The following MSI2 variants were observed in gnomAD, a reference collection of about 807,000 sequenced individuals.
The protein encoded by MSI2 is musashi RNA binding protein 2, also known as RNA-binding protein Musashi homolog 2.
Under a neutral mutation model 45.6 loss-of-function variants are expected in MSI2, and 17 were observed. That is an observed-to-expected ratio of 0.37 (90% CI 0.26 to 0.56). The LOEUF is 0.56. Among genes scored for constraint, MSI2 ranks in the 20% least tolerant of loss-of-function variants. The pLI, the probability that MSI2 is intolerant of heterozygous loss-of-function variation, is 0.77. For missense variants in MSI2, 293 were observed against 444.2 expected (o/e 0.66, Z 3.06); for synonymous variants, 156 against 158.2 (o/e 0.99, Z 0.11).
rs534408595 is a variant in MSI2 at position 57,622,264 on chromosome 17, A to G, written c.653-4965A>G. Among the ~76,000 whole-genome samples, 5 of 105,912 alleles carry G rather than the reference A, an allele frequency of 4.7e-5. No homozygotes were observed. The South Asian group carries it at 1.7e-3, about 35-fold the overall frequency. The allele number at this position is 105,912 out of a possible 152,430, so 69.5% of individuals were successfully genotyped here. On this transcript the variant is annotated intron_variant, in intron 9 of 13. Transcript: ENST00000284073. ...CCTCAGACTTTGCGGCACCGCACCA[A>G]GAGGTGCCCACAGTTATCCAGCTCA...
chr17:57,695,891 G>A, the MSI2 span, among the ~76,000 whole-genome samples: 5 of 152,162 alleles, frequency 3.3e-5, no homozygotes, highest in Non-Finnish European at 5.9e-5. Flanking sequence ...TTCCTCACAC[G>A]GCCTCTCCTC....
chr17:57,582,000 C>A (rs751749355), intron 7 of MSI2, among the ~76,000 whole-genome samples: 1 of 152,196 alleles, frequency 6.6e-6, no homozygotes, highest in African/African-American at 2.4e-5. Context: ...GAGTGAACCT[C>A]CCCAATGCCT....
chr17:57,417,027 G>C (rs2084307728), intron 6 of MSI2, among the ~76,000 whole-genome samples: 2 of 152,168 alleles, frequency 1.3e-5, no homozygotes, highest in Non-Finnish European at 2.9e-5. Flanking sequence ...GTGTGGTATA[G>C]CAAATGGAGA....
intron 6 of MSI2, among the ~76,000 whole-genome samples, chr17:57,478,701 G>A (rs986175071): frequency 1.3e-5 from 2 of 152,162 alleles, no homozygotes; most frequent in Non-Finnish European, 2.9e-5. Context: ...AGAGTCGGAA[G>A]GAATTCAGGG....
At chr17:57,436,146 C>A (rs539780482) in intron 6 of MSI2, among the ~76,000 whole-genome samples, 126 of 152,240 alleles carry the variant, frequency 8.3e-4, no homozygotes, top group Non-Finnish European at 1.4e-3. Flanking sequence ...GTAGTGGTTC[C>A]GAGCTTTGGA....
chr17:57,581,983 G>A (rs1206597053), intron 7 of MSI2, among the ~76,000 whole-genome samples: 1 of 152,188 alleles, frequency 6.6e-6, no homozygotes, highest in African/African-American at 2.4e-5. Flanking sequence ...AAGCATCTCA[G>A]TTTGAAGAGT....
intron 6 of MSI2, among the ~76,000 whole-genome samples, chr17:57,525,738 A>G (rs974110442): frequency 1.3e-5 from 2 of 152,214 alleles, no homozygotes; most frequent in South Asian, 4.1e-4. Context: ...CATGGGACAA[A>G]TCATGCTGAG....
At chr17:57,471,340 G>T (rs1285176655) in intron 6 of MSI2, among the ~76,000 whole-genome samples, 2 of 138,774 alleles carry the variant, frequency 1.4e-5, no homozygotes, top group Admixed American at 1.5e-4. Flanking sequence ...GCCCAGGCTG[G>T]AGTGCAGTGG....
At chr17:57,634,009 C>T (rs2074816249) in intron 10 of MSI2, among the ~76,000 whole-genome samples, 1 of 152,182 alleles carries the variant, frequency 6.6e-6, no homozygotes, top group South Asian at 2.1e-4. Context: ...CCCTCCTTCC[C>T]TCTCTTCCCT....
chr17:57,280,564 A>G lies in MSI2; in HGVS notation c.312+18372A>G, dbSNP rs541188906. 2.6e-5 allele frequency among the ~76,000 whole-genome samples: 4 copies of G among 151,884 alleles called. No homozygotes were observed. Among genetic ancestry groups the G allele is most frequent in the African/African-American group, 4.8e-5 (2 of 41,374 alleles). On this transcript the variant is annotated intron_variant, in intron 5 of 13. Transcript: ENST00000284073. The surrounding 1 kb of genome is among the most constrained non-coding windows in gnomAD (Gnocchi z 4.2). Reference sequence around the variant, plus strand: ...CTCATTGATGTGAGCAGAGCCCCCAACCCCCACCTCCGTGAGATTGAGAGT... The same window carrying G: ...CTCATTGATGTGAGCAGAGCCCCCAGCCCCCACCTCCGTGAGATTGAGAGT...
chr17:57,369,226 G>A (rs1412434454), intron 5 of MSI2, among the ~76,000 whole-genome samples: 1 of 152,158 alleles, frequency 6.6e-6, no homozygotes, highest in Non-Finnish European at 1.5e-5. Context: ...CCAGGGTTAT[G>A]CCACCCTGTC....
intron 7 of MSI2, among the ~76,000 whole-genome samples, chr17:57,542,076 G>A (rs1598383131): frequency 6.6e-6 from 1 of 152,048 alleles, no homozygotes; most frequent in African/African-American, 2.4e-5. Flanking sequence ...CATCTATTCG[G>A]GACCCAGAAT....
At chr17:57,530,474 C>G (rs1432940913) in intron 7 of MSI2, among the ~76,000 whole-genome samples, 2 of 152,180 alleles carry the variant, frequency 1.3e-5, no homozygotes, top group Non-Finnish European at 2.9e-5. Context: ...TTGGAGGCAT[C>G]TAGAAAAGTC....
downstream of MSI2, among the ~76,000 whole-genome samples, chr17:57,689,380 G>T (rs1913940782): frequency 6.6e-6 from 1 of 152,110 alleles, no homozygotes; most frequent in African/African-American, 2.4e-5. Flanking sequence ...AGGTAGCTAG[G>T]AGCATGCCAA....
chr17:57,297,060 A>C (rs548609297), intron 5 of MSI2, among the ~76,000 whole-genome samples: 10 of 152,122 alleles, frequency 6.6e-5, no homozygotes, highest in African/African-American at 1.9e-4. Context: ...TTTTTAGTAG[A>C]GATGGGGTTT....
chr17:57,548,242 G>A (rs1308934021), intron 7 of MSI2, among the ~76,000 whole-genome samples: 1 of 152,074 alleles, frequency 6.6e-6, no homozygotes, highest in East Asian at 1.9e-4. Context: ...GGCTTAACCT[G>A]TACAGAGGGG....
At chr17:57,527,460 C>A (rs991803320) in intron 6 of MSI2, among the ~76,000 whole-genome samples, 24 of 46,662 alleles carry the variant, frequency 5.1e-4, no homozygotes, top group Admixed American at 2.0e-3. Context: ...CAGCAGGTTA[C>A]CGTCGGCGGG....
chr17:57,357,659 T>C (rs1916530397), intron 5 of MSI2, among the ~76,000 whole-genome samples: 1 of 152,166 alleles, frequency 6.6e-6, no homozygotes, highest in African/African-American at 2.4e-5. Flanking sequence ...TTGCATCCTG[T>C]TCACATAAAG....
At chr17:57,598,388 G>A (rs920311094) in intron 8 of MSI2, among the ~76,000 whole-genome samples, 1 of 152,184 alleles carries the variant, frequency 6.6e-6, no homozygotes, top group Non-Finnish European at 1.5e-5. Context: ...TTAGCATGTG[G>A]CGCTACAGGC....
Sources: allele counts gnomAD v4.1 joint callset (sites outside exome capture counted in the v4.1 genomes callset), GRCh38; gene constraint gnomAD v4.1.1; non-coding constraint Gnocchi (gnomAD v3.1); transcripts MANE v1.5; gene names NCBI Gene and HGNC (gene_info 2026-07-23, HGNC 2026-07-21).